CRPPA: variants seen among roughly 807,000 people sequenced by gnomAD.
CRPPA encodes the protein D-ribitol-5-phosphate cytidylyltransferase.
CRPPA carries 43 observed loss-of-function variants against 52.0 expected under a neutral mutation model. The observed-to-expected ratio is 0.83, with a 90% CI of 0.65 to 1.07. The LOEUF (loss-of-function observed/expected upper bound fraction) is 1.07. CRPPA is among the 50% of genes least tolerant of loss of function. The pLI is 0.00. For missense variants in CRPPA, 629 were observed against 551.7 expected, an observed-to-expected ratio of 1.14 and a Z score of -1.40; for synonymous variants, 250 against 203.5, an observed-to-expected ratio of 1.23 and a Z score of -1.94.
chr7:16,421,158 C>A lies in CRPPA; in HGVS notation c.165G>T (p.Gly55=), dbSNP rs1788326832. 1 of 1,334,316 alleles carries A rather than the reference C, an allele frequency of 7.5e-7. No homozygotes were observed. Among genetic ancestry groups the A allele is most frequent in the East Asian group, 3.1e-5 (1 of 32,254 alleles). The allele number at this position is 1,334,316 out of a possible 1,614,324, so 82.7% of individuals were successfully genotyped here. ...TGGGGACCCCCATCCTCTCCCCGCA[C>A]CCCCCGGCAGGCAACACAGCTGCCA... ...QAVAAVLPAG[G]CGERMGVPTP... Residue 55 remains glycine (G), a synonymous_variant, in exon 1 of 10, where the codon GGG becomes GGT. Transcript: ENST00000407010.
chr7:16,122,439 T>C (rs1782497720), intron 9 of CRPPA, among the ~76,000 whole-genome samples: 1 of 152,040 alleles, frequency 6.6e-6, no homozygotes, highest in South Asian at 2.1e-4. Context: ...ATAATCTTTA[T>C]AAGAACATGT....
intron 3 of CRPPA, among the ~76,000 whole-genome samples, chr7:16,343,965 C>A (rs1785937655): frequency 1.3e-5 from 2 of 152,198 alleles, no homozygotes; most frequent in Admixed American, 1.3e-4. Context: ...TAAAGGAAAT[C>A]TGTCTAACCA....
chr7:16,331,516 A>G (rs2128430118), intron 3 of CRPPA, among the ~76,000 whole-genome samples: 1 of 152,336 alleles, frequency 6.6e-6, no homozygotes, highest in South Asian at 2.1e-4. Context: ...AAGGAATAAG[A>G]TAAGAACCAC....
intron 3 of CRPPA, among the ~76,000 whole-genome samples, chr7:16,340,616 GAAAAAAA>G (rs869043539): frequency 2.7e-5 from 1 of 37,492 alleles, no homozygotes; most frequent in Non-Finnish European, 5.7e-5. Flanking sequence ...AAAAAAAAAA[GAAAAAAA>G]AAACGAAAAA....
chr7:16,251,464 C>G (rs964536637), intron 8 of CRPPA, among the ~76,000 whole-genome samples: 1 of 152,036 alleles, frequency 6.6e-6, no homozygotes, highest in Non-Finnish European at 1.5e-5. Context: ...TAAAATTGAC[C>G]ACATAATTGG....
At chr7:16,405,200 T>C (rs1042034890) in intron 2 of CRPPA, among the ~76,000 whole-genome samples, 5 of 152,286 alleles carry the variant, frequency 3.3e-5, no homozygotes, top group African/African-American at 1.2e-4. Context: ...GATGTTATAA[T>C]TCATCTTAAA....
At chr7:16,201,200 A>G (rs1781846504) in intron 9 of CRPPA, among the ~76,000 whole-genome samples, 1 of 152,192 alleles carries the variant, frequency 6.6e-6, no homozygotes. Context: ...TTACATTGAA[A>G]TAAAAACATA....
chr7:16,392,909 A>G (rs897341693), intron 2 of CRPPA, among the ~76,000 whole-genome samples: 2 of 152,124 alleles, frequency 1.3e-5, no homozygotes, highest in Middle Eastern at 3.2e-3. Flanking sequence ...TAATTACTCT[A>G]TCTTTTCTCT....
At chr7:16,121,231 G>C (rs1161130873) in intron 9 of CRPPA, among the ~76,000 whole-genome samples, 1 of 151,968 alleles carries the variant, frequency 6.6e-6, no homozygotes, top group Admixed American at 6.6e-5. Context: ...ATGATTATTT[G>C]AAGTTTAGAT....
At chr7:16,136,465 G>A (rs1782763523) in intron 9 of CRPPA, among the ~76,000 whole-genome samples, 2 of 152,126 alleles carry the variant, frequency 1.3e-5, no homozygotes, top group Non-Finnish European at 2.9e-5. Context: ...AGTTCCATCT[G>A]AATTCAGAAA....
chr7:16,381,483 G>C lies in CRPPA; in HGVS notation c.535-5242C>G, dbSNP rs556385582. Among the ~76,000 whole-genome samples the C allele has an allele frequency of 9.7e-3, 1,481 of 152,200 alleles. 28 individuals carry two copies. Among genetic ancestry groups the C allele is most frequent in the African/African-American group, 0.034 (1,404 of 41,490 alleles). ...GTATATTCTGTTGATTTGGGGTGGA[G>C]AGTTCTGTAGATGTCTATTAGGTCC... On this transcript the variant is annotated intron_variant, in intron 2 of 9. Coordinates refer to ENST00000407010, the MANE Select transcript of CRPPA (RefSeq NM_001101426.4).
chr7:16,206,621 G>A (rs898213229), intron 9 of CRPPA, among the ~76,000 whole-genome samples: 8 of 152,018 alleles, frequency 5.3e-5, no homozygotes, highest in African/African-American at 1.7e-4. Flanking sequence ...TAAAATTTTA[G>A]CTGAAAAAAG....
Position 16,088,446 on chromosome 7 carries a change from C to T in CRPPA, c.*3249G>A, listed in dbSNP as rs1260212337. 19 of 115,742 alleles carry T rather than the reference C, an allele frequency of 1.6e-4. No individual in the cohort carries two copies. In the Admixed American group the frequency reaches 1.9e-3, roughly 12 times the overall value. 7.2% of individuals were successfully genotyped at this position (115,742 alleles called of 1,614,324 possible). Reference sequence around the variant, plus strand: ...TTTTTTTTTTTTTTTGAGACGGAGTCTTGCTCTGTTGCCCAGGCTGGAGTG... The same window carrying T: ...TTTTTTTTTTTTTTTGAGACGGAGTTTTGCTCTGTTGCCCAGGCTGGAGTG... On this transcript the variant is annotated 3_prime_UTR_variant, in exon 10 of 10. Coordinates refer to ENST00000407010, the MANE Select transcript of CRPPA (RefSeq NM_001101426.4).
chr7:16,356,269 G>A (rs1786292229), intron 3 of CRPPA, among the ~76,000 whole-genome samples: 1 of 152,132 alleles, frequency 6.6e-6, no homozygotes, highest in Non-Finnish European at 1.5e-5. Context: ...ACCCAGCAAG[G>A]AAGGTACTAC....
chr7:16,364,669 C>G (rs1001070783), intron 3 of CRPPA, among the ~76,000 whole-genome samples: 4 of 152,160 alleles, frequency 2.6e-5, no homozygotes, highest in African/African-American at 9.7e-5. Flanking sequence ...TGCAGTGTGG[C>G]CTAAGCACCA....
At chr7:16,348,576 C>T (rs1786071689) in intron 3 of CRPPA, among the ~76,000 whole-genome samples, 1 of 152,130 alleles carries the variant, frequency 6.6e-6, no homozygotes, top group Admixed American at 6.5e-5. Flanking sequence ...AAGAGGTAGT[C>T]TTAGACATGA....
At chr7:16,140,273 G>T (rs924725147) in intron 9 of CRPPA, among the ~76,000 whole-genome samples, 1 of 151,986 alleles carries the variant, frequency 6.6e-6, no homozygotes, top group African/African-American at 2.4e-5. Flanking sequence ...TCAGGCTCCT[G>T]AGTAGCTGGG....
intron 3 of CRPPA, among the ~76,000 whole-genome samples, chr7:16,364,124 T>C (rs978987166): frequency 1.3e-5 from 2 of 152,186 alleles, no homozygotes; most frequent in Non-Finnish European, 2.9e-5. Context: ...AAAATAATTA[T>C]TGGAATACAG....
chr7:16,318,775 A>C (rs1785198820), intron 3 of CRPPA, among the ~76,000 whole-genome samples: 1 of 152,144 alleles, frequency 6.6e-6, no homozygotes, highest in Non-Finnish European at 1.5e-5. Flanking sequence ...TCTGGTAAAA[A>C]TCTCACTTCC....
Sources: gnomAD v4.1 joint callset for allele counts (sites outside exome capture counted in the v4.1 genomes callset) on GRCh38, gnomAD v4.1.1 for gene constraint, MANE v1.5 for transcripts, NCBI Gene and HGNC (gene_info 2026-07-23, HGNC 2026-07-21) for gene names.